ZMYND8: variants seen among roughly 807,000 people sequenced by gnomAD.
ZMYND8 encodes MYND-type zinc finger-containing chromatin reader ZMYND8.
A neutral mutation model predicts 140.8 loss-of-function variants in ZMYND8; 37 were observed. The ratio of observed to expected loss-of-function variants is 0.26; its 90% CI spans 0.20 to 0.35. The LOEUF (loss-of-function observed/expected upper bound fraction) is 0.35. Among genes scored for constraint, ZMYND8 ranks in the 10% least tolerant of loss-of-function variants. ZMYND8 has a pLI of 1.00. For missense variants in ZMYND8, 1,068 were observed against 1,570.0 expected (o/e 0.68, Z 5.40); for synonymous variants, 592 against 597.1 (o/e 0.99, Z 0.12).
At chr20:47,253,593 C>CA (rs2074363652) in intron 12 of ZMYND8, among the ~76,000 whole-genome samples, 1 of 151,420 alleles carries the variant, frequency 6.6e-6, no homozygotes, top group Non-Finnish European at 1.5e-5. Flanking sequence ...TCCTAATTGG[C>CA]AGCTAAGGCT....
intron 1 of ZMYND8, among the ~76,000 whole-genome samples, chr20:47,351,045 C>T (rs2082738118): frequency 6.6e-6 from 1 of 152,154 alleles, no homozygotes; most frequent in Non-Finnish European, 1.5e-5. Context: ...AATAACAGTA[C>T]CTGCAAAGAT....
chr20:47,223,929 T>C (rs373729129), intron 19 of ZMYND8, among the ~76,000 whole-genome samples: 9 of 151,924 alleles, frequency 5.9e-5, no homozygotes, highest in African/African-American at 2.2e-4. Flanking sequence ...TGATTACAAA[T>C]ATTACAGCAG....
intron 3 of ZMYND8, among the ~76,000 whole-genome samples, chr20:47,302,205 G>GCA (rs1569143437): frequency 0.15 from 37 of 242 alleles, no homozygotes; most frequent in Non-Finnish European, 0.2. Flanking sequence ...GGCCAGGCGT[G>GCA]GTGGCACGCC....
intron 3 of ZMYND8, among the ~76,000 whole-genome samples, chr20:47,307,126 G>C (rs187532913): frequency 4.8e-4 from 73 of 152,194 alleles, no homozygotes; most frequent in South Asian, 4.4e-3. Context: ...CTGCCCTCAT[G>C]AATGGGATTA....
intron 21 of ZMYND8, among the ~76,000 whole-genome samples, chr20:47,217,646 T>C (rs2036318396): frequency 6.6e-6 from 1 of 151,018 alleles, no homozygotes; most frequent in Admixed American, 6.6e-5. Flanking sequence ...TCATAATTAC[T>C]CATTGAGTTA....
Position 47,351,654 on chromosome 20 carries a change from T to C in ZMYND8, c.15-3728A>G, listed in dbSNP as rs1415765397. 4.1e-6 allele frequency: 4 copies of C among 984,576 alleles called. No individual in the cohort carries two copies. In the African/African-American group the frequency reaches 7.0e-5, roughly 17 times the overall value. The allele number at this position is 984,576 out of a possible 1,614,324, so 61.0% of individuals were successfully genotyped here. On this transcript the variant is annotated intron_variant, in intron 1 of 22. Coordinates refer to ENST00000471951, the MANE Select transcript of ZMYND8 (RefSeq NM_001281775.3). ...TTCCCTAAATCTACAATTAATTTTTTAAGAAATTGGGGTGGGGGGGAATGG... is the reference window on the plus strand; with the variant it reads ...TTCCCTAAATCTACAATTAATTTTTCAAGAAATTGGGGTGGGGGGGAATGG...
intron 16 of ZMYND8, among the ~76,000 whole-genome samples, chr20:47,231,155 C>G (rs1315338531): frequency 6.6e-6 from 1 of 152,164 alleles, no homozygotes; most frequent in Non-Finnish European, 1.5e-5. Context: ...GCAGCAGGCA[C>G]CCAGGGATTT....
rs111831182 is a variant in ZMYND8 at position 47,330,361 on chromosome 20, C to CTT, written c.85+17493_85+17494dup. 3.5e-3 allele frequency among the ~76,000 whole-genome samples: 411 copies of CTT among 118,888 alleles called. 5 individuals carry two copies. Among genetic ancestry groups the CTT allele is most frequent in the African/African-American group, 0.012 (380 of 32,080 alleles). 78.0% of individuals were successfully genotyped at this position (118,888 alleles called of 152,430 possible). ...CAAGCCACCATGCCTGGGTTTTTTG[C>CTT]TTTTTTTTTTTTTTTTTTTTGTAGG... On this transcript the variant is annotated intron_variant, in intron 2 of 22. Transcript: ENST00000471951.
intron 1 of ZMYND8, chr20:47,348,436 A>C: frequency 5.8e-6 from 1 of 173,086 alleles, no homozygotes; most frequent in Non-Finnish European, 1.2e-5. Context: ...TTAAATTACA[A>C]AGCAGAAAAA....
chr20:47,253,133 G>A (rs568113148), intron 12 of ZMYND8, among the ~76,000 whole-genome samples: 2 of 152,350 alleles, frequency 1.3e-5, no homozygotes, highest in South Asian at 4.1e-4. Flanking sequence ...AACCCTGGCT[G>A]CACACCAAAA....
intron 2 of ZMYND8, among the ~76,000 whole-genome samples, chr20:47,324,920 T>C (rs1200731100): frequency 2.0e-5 from 3 of 152,238 alleles, no homozygotes; most frequent in African/African-American, 7.2e-5. Context: ...TTATTTTTTA[T>C]TTTTTGAGGA....
intron 10 of ZMYND8, among the ~76,000 whole-genome samples, chr20:47,279,432 C>T (rs1160641363): frequency 3.3e-5 from 5 of 151,812 alleles, no homozygotes; most frequent in African/African-American, 9.7e-5. Flanking sequence ...AGCGAGACCC[C>T]GCCTCAAATA....
intron 8 of ZMYND8, among the ~76,000 whole-genome samples, chr20:47,284,087 TA>T (rs996203442): frequency 7.9e-5 from 12 of 152,156 alleles, no homozygotes; most frequent in African/African-American, 2.9e-4. Flanking sequence ...CACGCCCAGC[TA>T]ATTTTTGTAT....
intron 14 of ZMYND8, among the ~76,000 whole-genome samples, chr20:47,241,819 C>CT (rs536750853): frequency 0.041 from 5,703 of 137,828 alleles, 333 homozygotes; most frequent in African/African-American, 0.14. Context: ...TTTTTCTTTT[C>CT]TTTTTTTTTT....
At chr20:47,252,282 ACT>A (rs1386484950) in intron 12 of ZMYND8, among the ~76,000 whole-genome samples, 2 of 121,948 alleles carry the variant, frequency 1.6e-5, no homozygotes, top group African/African-American at 3.4e-5. Context: ...ACAGAGCAAG[ACT>A]CTGTCTCAAA....
intron 12 of ZMYND8, among the ~76,000 whole-genome samples, chr20:47,252,687 G>A (rs1468769910): frequency 6.6e-6 from 1 of 152,190 alleles, no homozygotes; most frequent in African/African-American, 2.4e-5. Flanking sequence ...TTGGGAGGCT[G>A]AGGTGGGCAG....
chr20:47,276,814 AAG>A lies in ZMYND8; in HGVS notation c.999-21_999-20del, dbSNP rs758859767. On this transcript the variant is annotated intron_variant, in intron 10 of 22. Transcript: ENST00000471951. ...CCAGGCCCTAGAAGGGCAAAAGATA[AAG>A]AGAGTTTAAGTCAACTTCAGTAATT... The A allele has an allele frequency of 1.5e-5, 24 of 1,557,802 alleles. No homozygotes were observed. The highest frequency in any genetic ancestry group is 2.1e-5 in the Non-Finnish European group (24 of 1,156,554).
intron 2 of ZMYND8, among the ~76,000 whole-genome samples, chr20:47,341,860 G>A (rs373911436): frequency 4.1e-4 from 62 of 152,032 alleles, no homozygotes; most frequent in African/African-American, 1.2e-3. Context: ...AAAATTAGCC[G>A]GGCGTGGTGG....
At chr20:47,318,996 G>C (rs372958413) in intron 2 of ZMYND8, 620 of 1,351,442 alleles carry the variant, frequency 4.6e-4, no homozygotes, top group Non-Finnish European at 5.5e-4. Flanking sequence ...AGCCTCTCTT[G>C]TTCAAAAGAG....
Sources: allele counts gnomAD v4.1 joint callset (sites outside exome capture counted in the v4.1 genomes callset), GRCh38; gene constraint gnomAD v4.1.1; transcripts MANE v1.5; gene names NCBI Gene and HGNC (gene_info 2026-07-23, HGNC 2026-07-21).